The following CDC42BPA variants were observed in gnomAD, a reference collection of about 807,000 sequenced individuals.
The protein encoded by CDC42BPA is serine/threonine-protein kinase MRCK alpha.
Under a neutral mutation model 223.5 loss-of-function variants are expected in CDC42BPA, and 80 were observed. The ratio of observed to expected loss-of-function variants is 0.36; its 90% confidence interval spans 0.30 to 0.43. The LOEUF is 0.43. Among genes scored for constraint, CDC42BPA ranks in the 20% least tolerant of loss-of-function variants. The probability of loss-of-function intolerance (pLI) is 1.00; values close to 1 mark genes in which losing one functional copy is unlikely to be tolerated. For missense variants in CDC42BPA, 1,743 were observed against 2,099.9 expected (o/e 0.83, Z 3.32); for synonymous variants, 694 against 718.6 (o/e 0.97, Z 0.55).
intron 11 of CDC42BPA, among the ~76,000 whole-genome samples, chr1:227,124,319 G>C (rs1242972538): frequency 1.3e-5 from 2 of 152,114 alleles, no homozygotes; most frequent in African/African-American, 4.8e-5. Flanking sequence ...TTAATGGTGG[G>C]TATTTGTATA....
intron 35 of CDC42BPA, among the ~76,000 whole-genome samples, chr1:227,001,677 C>T (rs776408446): frequency 1.6e-4 from 25 of 152,252 alleles, no homozygotes; most frequent in Non-Finnish European, 2.6e-4. Context: ...GAGGCTGAGG[C>T]GGGCAGATTA....
chr1:227,180,668 T>C (rs529253650), intron 5 of CDC42BPA: 2 of 152,364 alleles, frequency 1.3e-5, no homozygotes, highest in Admixed American at 6.5e-5. Context: ...TGACTATCTA[T>C]GTAAATTATC....
intron 32 of CDC42BPA, among the ~76,000 whole-genome samples, chr1:227,019,018 A>G (rs1305688225): frequency 6.6e-6 from 1 of 152,158 alleles, no homozygotes; most frequent in Non-Finnish European, 1.5e-5. Flanking sequence ...AGACATCAAT[A>G]AAGTTTGCCA....
chr1:227,238,474 T>C (rs1679470865), intron 2 of CDC42BPA, among the ~76,000 whole-genome samples: 1 of 152,094 alleles, frequency 6.6e-6, no homozygotes, highest in Non-Finnish European at 1.5e-5. Flanking sequence ...ACATCCATCA[T>C]TCATTTGCAA....
chr1:227,317,039 T>C lies in CDC42BPA; in HGVS notation c.144A>G (p.Arg48=). ...LYDECNNSPL[R]REKNILEYLE... ...GGTATTCGAGAATGTTCTTCTCTCT[T>C]CTCAATGGAGAATTATTGCATTCAT... Residue 48 remains arginine (R), a synonymous_variant, in exon 1 of 37, where the codon AGA becomes AGG. Transcript: ENST00000366766. The C allele has an allele frequency of 1.2e-6, 2 of 1,613,884 alleles. No homozygotes were observed. Among genetic ancestry groups the C allele is most frequent in the Non-Finnish European group, 1.7e-6 (2 of 1,179,830 alleles).
At chr1:226,998,468 T>C (rs543554783) in intron 35 of CDC42BPA, among the ~76,000 whole-genome samples, 51 of 152,036 alleles carry the variant, frequency 3.4e-4, no homozygotes, top group Admixed American at 4.6e-4. Context: ...TGGAACACAA[T>C]AGAGGCCTCA....
intron 1 of CDC42BPA, among the ~76,000 whole-genome samples, chr1:227,259,245 G>C (rs1464295545): frequency 5.3e-5 from 8 of 150,854 alleles, no homozygotes; most frequent in African/African-American, 1.5e-4. Flanking sequence ...ATGGAAATCT[G>C]ACCTAAGCTG....
At chr1:227,205,283 A>AAAT (rs1376021292) in intron 3 of CDC42BPA, among the ~76,000 whole-genome samples, 2 of 122,778 alleles carry the variant, frequency 1.6e-5, no homozygotes, top group African/African-American at 6.4e-5. Context: ...AAAAAAAAAA[A>AAAT]ATATATATAT....
At chr1:227,284,512 T>C (rs10916116) in intron 1 of CDC42BPA, among the ~76,000 whole-genome samples, 16,906 of 152,162 alleles carry the variant, frequency 0.11, 1,196 homozygotes, top group South Asian at 0.19. Flanking sequence ...GGAGAGGGCC[T>C]AACCTTAATA....
chr1:227,293,623 TG>T (rs1302096342), intron 1 of CDC42BPA, among the ~76,000 whole-genome samples: 1 of 150,782 alleles, frequency 6.6e-6, no homozygotes, highest in Non-Finnish European at 1.5e-5. Context: ...GTCGGGAGTT[TG>T]AGACCAGCCT....
chr1:227,291,717 A>G (rs1168133403), intron 1 of CDC42BPA, among the ~76,000 whole-genome samples: 2 of 150,058 alleles, frequency 1.3e-5, no homozygotes, highest in Non-Finnish European at 3.0e-5. Context: ...ATATTCTTCA[A>G]ACCAGTTTGC....
chr1:227,240,401 T>TA (rs1426931962), intron 2 of CDC42BPA, among the ~76,000 whole-genome samples: 1 of 152,094 alleles, frequency 6.6e-6, no homozygotes, highest in Non-Finnish European at 1.5e-5. Flanking sequence ...TAGGCTTTTA[T>TA]AAAAATTGAT....
intron 11 of CDC42BPA, 127 bp downstream of exon 11, chr1:227,128,982 C>A: frequency 1.5e-6 from 1 of 667,912 alleles, no homozygotes; most frequent in Non-Finnish European, 2.5e-6. Context: ...CTTATTTGCC[C>A]TTCCCTGACT....
chr1:227,286,606 C>G (rs1558958247), intron 1 of CDC42BPA, among the ~76,000 whole-genome samples: 1 of 152,212 alleles, frequency 6.6e-6, no homozygotes, highest in Non-Finnish European at 1.5e-5. Flanking sequence ...TCCAAAGCCA[C>G]TTCCACATTT....
chr1:227,217,176 A>T (rs1352260787), intron 2 of CDC42BPA, among the ~76,000 whole-genome samples: 1 of 151,950 alleles, frequency 6.6e-6, no homozygotes. Flanking sequence ...CTACTATTAC[A>T]TGGCTCATGT....
chr1:227,239,434 T>C (rs758533810), intron 2 of CDC42BPA, among the ~76,000 whole-genome samples: 4 of 152,166 alleles, frequency 2.6e-5, no homozygotes, highest in African/African-American at 4.8e-5. Context: ...GTAATAATAA[T>C]ATGTCAATGT....
intron 31 of CDC42BPA, among the ~76,000 whole-genome samples, chr1:227,025,033 A>C (rs1428802273): frequency 6.6e-6 from 1 of 152,182 alleles, no homozygotes; most frequent in African/African-American, 2.4e-5. Context: ...ACTTGAGGTA[A>C]GAAGTTCGAG....
At chr1:227,187,419 A>G (rs1456030395) in intron 5 of CDC42BPA, among the ~76,000 whole-genome samples, 3 of 151,842 alleles carry the variant, frequency 2.0e-5, no homozygotes, top group African/African-American at 7.2e-5. Flanking sequence ...CACCACTTAG[A>G]AAAGAATCTC....
chr1:227,174,680 T>C (rs537637433), intron 5 of CDC42BPA, among the ~76,000 whole-genome samples: 1 of 152,298 alleles, frequency 6.6e-6, no homozygotes, highest in African/African-American at 2.4e-5. Context: ...TGAAACTACA[T>C]GAGATAAAAA....
Sources: allele counts gnomAD v4.1 joint callset (sites outside exome capture counted in the v4.1 genomes callset), GRCh38; gene constraint gnomAD v4.1.1; transcripts MANE v1.5; gene names NCBI Gene and HGNC (gene_info 2026-07-23, HGNC 2026-07-21).